Variants in TET3 observed in about 807,000 individuals in gnomAD.
TET3 encodes the protein tet methylcytosine dioxygenase 3, also known as methylcytosine dioxygenase TET3.
A neutral mutation model predicts 141.4 loss-of-function variants in TET3; 19 were observed. That is an observed-to-expected ratio of 0.13 (90% CI 0.09 to 0.20). The LOEUF (loss-of-function observed/expected upper bound fraction) is 0.20, where lower values mean the gene tolerates loss of function less well. Ranked by LOEUF, TET3 falls within the 10% of genes least tolerant of loss-of-function variation. The probability of loss-of-function intolerance (pLI) is 1.00; values close to 1 mark genes in which losing one functional copy is unlikely to be tolerated. For missense variants in TET3, 1,874 were observed against 2,356.9 expected (o/e 0.80, Z 4.24); for synonymous variants, 1,043 against 980.9 (o/e 1.06, Z -1.18).
At chr2:74,020,842 G>A (rs1406267056) in intron 3 of TET3, among the ~76,000 whole-genome samples, 3 of 152,240 alleles carry the variant, frequency 2.0e-5, no homozygotes, top group Non-Finnish European at 4.4e-5. Flanking sequence ...TCTAGCAGTT[G>A]TGCATCTGGT....
chr2:74,133,956 G>C, the TET3 span, among the ~76,000 whole-genome samples: 1 of 151,990 alleles, frequency 6.6e-6, no homozygotes, highest in South Asian at 2.1e-4. Context: ...TGTTGGTCAG[G>C]CTGGTCTCAA....
chr2:74,117,372 C>T, the TET3 span, among the ~76,000 whole-genome samples: 4 of 151,602 alleles, frequency 2.6e-5, no homozygotes, highest in Non-Finnish European at 4.4e-5. Context: ...CCACCATGCC[C>T]GGCCTATTTT....
downstream of TET3, among the ~76,000 whole-genome samples, chr2:74,111,626 T>C (rs146005897): frequency 4.1e-4 from 62 of 152,324 alleles, 1 homozygote; most frequent in East Asian, 0.011. Context: ...CAGAGGCATG[T>C]TGGACAAGGA....
At chr2:74,049,233 G>GC (rs1394485413) in intron 4 of TET3, among the ~76,000 whole-genome samples, 2 of 152,138 alleles carry the variant, frequency 1.3e-5, no homozygotes, top group Admixed American at 1.3e-4. Flanking sequence ...ACTCGGATTG[G>GC]GAGGACAGGA....
chr2:74,084,836 CAG>C (rs1310014606), intron 6 of TET3, among the ~76,000 whole-genome samples: 1 of 151,844 alleles, frequency 6.6e-6, no homozygotes, highest in African/African-American at 2.4e-5. Context: ...ACTCTGGAGA[CAG>C]TGGGGAGAAT....
intron 5 of TET3, among the ~76,000 whole-genome samples, chr2:74,079,447 T>C (rs1689688652): frequency 6.6e-6 from 1 of 152,212 alleles, no homozygotes; most frequent in Non-Finnish European, 1.5e-5. Flanking sequence ...ATGACCATTA[T>C]CTGCAGGTGA....
intron 4 of TET3, among the ~76,000 whole-genome samples, chr2:74,066,679 G>T (rs772814241): frequency 2.6e-4 from 40 of 152,168 alleles, no homozygotes; most frequent in Non-Finnish European, 4.7e-4. Flanking sequence ...AGCTTTCTCT[G>T]CCCTTTGTGT....
At chr2:74,079,838 G>A (rs1446010373) in intron 5 of TET3, among the ~76,000 whole-genome samples, 3 of 152,256 alleles carry the variant, frequency 2.0e-5, no homozygotes, top group Middle Eastern at 3.4e-3. Flanking sequence ...AACTCCAGGG[G>A]CCATAGTTGC....
chr2:74,123,687 G>A, the TET3 span, among the ~76,000 whole-genome samples: 1 of 152,268 alleles, frequency 6.6e-6, no homozygotes, highest in East Asian at 1.9e-4. Flanking sequence ...ACCCCGTCTG[G>A]GAAGTGAGGA....
intron 3 of TET3, among the ~76,000 whole-genome samples, chr2:74,038,203 G>A (rs1404439583): frequency 1.3e-5 from 2 of 152,200 alleles, no homozygotes; most frequent in Non-Finnish European, 2.9e-5. Flanking sequence ...AAATGTGACT[G>A]GGGTTGGCGA....
rs770266583 is a variant in TET3 at position 73,996,745 on chromosome 2, G to C, written c.304-6365G>C. Reference sequence around the variant, plus strand: ...CTGGTCTTGAACTCCTGGACCTCAGGTGATCTGCCTGCCTCGGCCTCCCAA... The same window carrying C: ...CTGGTCTTGAACTCCTGGACCTCAGCTGATCTGCCTGCCTCGGCCTCCCAA... On this transcript the variant is annotated intron_variant, in intron 2 of 11. Transcript: ENST00000409262. Among the ~76,000 whole-genome samples the C allele has an allele frequency of 1.1e-3, 172 of 152,220 alleles. 3 individuals are homozygous for C. The highest frequency in any genetic ancestry group is 5.2e-4 in the Admixed American group (8 of 15,284).
chr2:74,038,340 C>T (rs1317417574), intron 3 of TET3, among the ~76,000 whole-genome samples: 1 of 152,152 alleles, frequency 6.6e-6, no homozygotes, highest in African/African-American at 2.4e-5. Flanking sequence ...TAACAAATTC[C>T]TGCTGCCCCT....
chr2:74,006,408 A>G (rs1195459700), intron 3 of TET3, among the ~76,000 whole-genome samples: 2 of 152,164 alleles, frequency 1.3e-5, no homozygotes, highest in Admixed American at 1.3e-4. Context: ...CCCTTTTTGA[A>G]TGTCATGGGA....
intron 2 of TET3, among the ~76,000 whole-genome samples, chr2:73,991,750 A>T (rs1470132030): frequency 7.0e-6 from 1 of 141,882 alleles, no homozygotes; most frequent in Non-Finnish European, 1.5e-5. Context: ...GGTTGCAGTG[A>T]GCTGAAATTG....
At chr2:74,028,245 A>G (rs1686485652) in intron 3 of TET3, among the ~76,000 whole-genome samples, 1 of 151,154 alleles carries the variant, frequency 6.6e-6, no homozygotes, top group Non-Finnish European at 1.5e-5. Flanking sequence ...TCAGCCACCC[A>G]AAGTGCTGGA....
At chr2:74,043,520 C>T (rs1687455357) in intron 3 of TET3, among the ~76,000 whole-genome samples, 1 of 152,078 alleles carries the variant, frequency 6.6e-6, no homozygotes, top group Non-Finnish European at 1.5e-5. Context: ...CCTGGGAATC[C>T]AGGGAAGGAG....
At chr2:74,098,950 G>A (rs1232287817) in intron 10 of TET3, among the ~76,000 whole-genome samples, 2 of 152,254 alleles carry the variant, frequency 1.3e-5, no homozygotes, top group South Asian at 2.1e-4. Flanking sequence ...ACGTGGTGCT[G>A]TGGCGTCAGT....
the TET3 span, among the ~76,000 whole-genome samples, chr2:74,133,072 A>ATTTT: frequency 9.5e-6 from 1 of 105,152 alleles, no homozygotes; most frequent in Non-Finnish European, 2.1e-5. Context: ...TAATTTTTGT[A>ATTTT]TTTTTTTTTT....
chr2:74,045,368 T>C (rs1687561992), intron 3 of TET3, among the ~76,000 whole-genome samples: 1 of 152,246 alleles, frequency 6.6e-6, no homozygotes, highest in African/African-American at 2.4e-5. Flanking sequence ...TGATGTCTTT[T>C]TAAATCCATC....
Sources: allele counts gnomAD v4.1 joint callset (sites outside exome capture counted in the v4.1 genomes callset), GRCh38; gene constraint gnomAD v4.1.1; transcripts MANE v1.5; gene names NCBI Gene and HGNC (gene_info 2026-07-23, HGNC 2026-07-21).